Variants in ATP8B1 observed in about 807,000 individuals in gnomAD.
ATP8B1 encodes ATPase phospholipid transporting 8B1.
In ATP8B1, 80 loss-of-function variants were observed where a neutral mutation model predicts 149.9. The observed-to-expected ratio is 0.53, with a 90% CI of 0.45 to 0.64. The LOEUF (loss-of-function observed/expected upper bound fraction) is 0.64, where lower values mean the gene tolerates loss of function less well. Among genes scored for constraint, ATP8B1 ranks in the 30% least tolerant of loss-of-function variants. The pLI is 0.00. For missense variants in ATP8B1, 1,247 were observed against 1,552.6 expected, an observed-to-expected ratio of 0.80 and a Z score of 3.31; for synonymous variants, 536 against 562.8, an observed-to-expected ratio of 0.95 and a Z score of 0.67.
intron 15 of ATP8B1, among the ~76,000 whole-genome samples, chr18:57,683,415 C>G (rs116139762): frequency 0.018 from 2,758 of 152,288 alleles, 80 homozygotes; most frequent in African/African-American, 0.063. Context: ...TTCCTTGATA[C>G]AGGACAAACT....
At chr18:57,676,353 G>T (rs906084936) in intron 15 of ATP8B1, among the ~76,000 whole-genome samples, 3 of 151,190 alleles carry the variant, frequency 2.0e-5, no homozygotes, top group African/African-American at 7.3e-5. Flanking sequence ...GTAGAGACAG[G>T]ATCTCACCAT....
In ATP8B1 at chr18:57,662,530, A is replaced by G; in HGVS notation, c.2371T>C (p.Phe791Leu). 1.2e-6 allele frequency: 2 copies of G among 1,614,206 alleles called. No homozygotes were observed. Among genetic ancestry groups the G allele is most frequent in the Non-Finnish European group, 8.5e-7 (1 of 1,180,032 alleles). ...AAGGCACGGTTTCCACCGGGTGGAA[A>G]AAAAGATTCCTGCACAGGAGGTGCA... The part of the protein sequence containing the change: ...KFAPPVQESF[F>L]PPGGNRALII... Residue 791 changes from phenylalanine to leucine, a missense_variant, in exon 21 of 28, where the codon TTT becomes CTT. Coordinates refer to ENST00000648908, the MANE Select transcript of ATP8B1 (RefSeq NM_001374385.1).
At chr18:57,758,648 C>CAA (rs66725093) in intron 1 of ATP8B1, among the ~76,000 whole-genome samples, 3 of 105,232 alleles carry the variant, frequency 2.9e-5, no homozygotes, top group African/African-American at 7.0e-5. Context: ...AACTCTGTCT[C>CAA]AAAAAAAAAA....
At chr18:57,795,508 TG>T (rs1330198631) in intron 1 of ATP8B1, among the ~76,000 whole-genome samples, 2 of 152,198 alleles carry the variant, frequency 1.3e-5, no homozygotes, top group African/African-American at 4.8e-5. Flanking sequence ...GTGCATACAA[TG>T]GAATATTATT....
At chr18:57,788,149 C>A (rs188626032) in intron 1 of ATP8B1, among the ~76,000 whole-genome samples, 1 of 152,262 alleles carries the variant, frequency 6.6e-6, no homozygotes, top group East Asian at 1.9e-4. Context: ...GATTTACAAC[C>A]TGTACATTTT....
rs5825238 is a variant in ATP8B1, at chr18:57,778,228, CTT to C, written c.-26+24768_-26+24769del. Among the ~76,000 whole-genome samples the C allele has an allele frequency of 7.0e-3, 680 of 97,608 alleles. 6 individuals carry two copies. Among genetic ancestry groups the C allele is most frequent in the Middle Eastern group, 0.026 (6 of 234 alleles). 64.0% of individuals were successfully genotyped at this position (97,608 alleles called of 152,430 possible). ...ATAATCTCAGTTTCTTTTTCTTTTT[CTT>C]TTTTTTTTTTTTTGAGACGGAGTCT... On this transcript the variant is annotated intron_variant, in intron 1 of 27. Coordinates refer to ENST00000648908, the MANE Select transcript of ATP8B1 (RefSeq NM_001374385.1).
intron 1 of ATP8B1, among the ~76,000 whole-genome samples, chr18:57,732,365 G>GTA (rs373040636): frequency 0.03 from 3,917 of 132,644 alleles, 1,069 homozygotes; most frequent in South Asian, 0.12. Flanking sequence ...GTATATATAT[G>GTA]TATATATATA....
rs1418593919 is a variant in ATP8B1 at position 57,713,240 on chromosome 18, C to CTTTCTTCCTTCT, written c.182-6654_182-6653insAGAAGGAAGAAA. On this transcript the variant is annotated intron_variant, in intron 2 of 27. Transcript: ENST00000648908. ...CCTTCCTTCCTTCCTTCCTTCCTTC[C>CTTTCTTCCTTCT]TTCTTTCTTTCTTTCTTTCTTTCTC... Among the ~76,000 whole-genome samples the CTTTCTTCCTTCT allele has an allele frequency of 6.8e-4, 44 of 65,136 alleles. No individual in the cohort carries two copies. The East Asian group carries it at 0.025, about 38-fold the overall frequency. 42.7% of individuals were successfully genotyped at this position (65,136 alleles called of 152,430 possible). A position where few individuals can be genotyped will look rare whatever the true frequency, so the allele number is the denominator to read the frequency against.
intron 13 of ATP8B1, among the ~76,000 whole-genome samples, chr18:57,686,334 A>AT (rs993426036): frequency 2.0e-5 from 3 of 151,592 alleles, no homozygotes; most frequent in Non-Finnish European, 4.4e-5. Context: ...ATATTAACCG[A>AT]TTTTTTGTTT....
Position 57,802,223 on chromosome 18 carries a change from C to T in ATP8B1, c.-26+775G>A, listed in dbSNP as rs1294358976. Among the ~76,000 whole-genome samples, 1 of 152,146 alleles carries T rather than the reference C, an allele frequency of 6.6e-6. No individual in the cohort carries two copies. The highest frequency in any genetic ancestry group is 2.4e-5 in the African/African-American group (1 of 41,426). ...AGCACTGGGCCATTCTCTGCAACATCTCCCCGCGCCCCCCAACAAGTTGCC... is the reference window on the plus strand; with the variant it reads ...AGCACTGGGCCATTCTCTGCAACATTTCCCCGCGCCCCCCAACAAGTTGCC... On this transcript the variant is annotated intron_variant, in intron 1 of 27. Transcript: ENST00000648908. The surrounding 1 kb of genome is among the most constrained non-coding windows in gnomAD (Gnocchi z 4.9).
chr18:57,728,637 T>C (rs1250923930), intron 2 of ATP8B1, among the ~76,000 whole-genome samples: 15 of 151,800 alleles, frequency 9.9e-5, no homozygotes, highest in Admixed American at 7.9e-4. Flanking sequence ...TCATTTGATA[T>C]GGGTTTTGAG....
At chr18:57,747,497 C>T (rs2079975973) in intron 1 of ATP8B1, among the ~76,000 whole-genome samples, 1 of 151,910 alleles carries the variant, frequency 6.6e-6, no homozygotes, top group Non-Finnish European at 1.5e-5. Flanking sequence ...CAGTGGCTCT[C>T]CTTAGTGATC....
In ATP8B1 at chr18:57,674,954, A is replaced by C; in HGVS notation, c.1699T>G (p.Phe567Val). ...ALVNAARNFG[F>V]AFLARTQNTI... ...TTCTGGGTCCTGGCGAGGAAGGCAAAGCCAAAGTTCCTGGCAGCGTTTACC... is the reference window on the plus strand; with the variant it reads ...TTCTGGGTCCTGGCGAGGAAGGCAACGCCAAAGTTCCTGGCAGCGTTTACC... Residue 567 changes from phenylalanine (F) to valine (V), a missense_variant, in exon 16 of 28, where the codon TTT becomes GTT. By Grantham distance (50) the Phe-to-Val change is conservative (BLOSUM62 -1). This residue lies in a region of ATP8B1 where 853 missense variants were observed against 1,035.7 expected (regional missense o/e 0.82). Transcript: ENST00000648908. The C allele has an allele frequency of 6.2e-7, 1 of 1,614,246 alleles. No homozygotes were observed. The highest frequency in any genetic ancestry group is 8.5e-7 in the Non-Finnish European group (1 of 1,180,042).
intron 6 of ATP8B1, among the ~76,000 whole-genome samples, chr18:57,699,708 G>A (rs577915084): frequency 1.4e-5 from 2 of 146,774 alleles, no homozygotes; most frequent in East Asian, 2.0e-4. Context: ...GCGACAGAGC[G>A]AGACTCCGTC....
intron 2 of ATP8B1, among the ~76,000 whole-genome samples, chr18:57,727,791 CAAAA>C (rs1268973322): frequency 4.0e-5 from 6 of 151,780 alleles, no homozygotes; most frequent in African/African-American, 1.5e-4. Context: ...CATCTCAAAA[CAAAA>C]ACAAACAAAC....
Position 57,706,491 on chromosome 18 carries a change from G to T in ATP8B1, c.278C>A (p.Ala93Glu), listed in dbSNP as rs909833944. The T allele has an allele frequency of 6.2e-7, 1 of 1,610,810 alleles. No individual in the cohort carries two copies. The highest frequency in any genetic ancestry group is 1.3e-5 in the African/African-American group (1 of 74,948). ...KFLCIKESKY[A>E]NNAIKTYKYN... ...CAATTCAGAAAGTTAACAACTCACC[G>T]CATATTTACTCTCCTTAATACACAA... Residue 93 changes from alanine (A) to glutamate (E), a missense_variant and splice_region_variant, in exon 3 of 28, where the codon GCG becomes GAG. Physicochemically the swap from Ala to Glu is moderately radical, Grantham distance 107. This residue lies in a region of ATP8B1 where 853 missense variants were observed against 1,035.7 expected (regional missense o/e 0.82). Transcript: ENST00000648908.
intron 1 of ATP8B1, among the ~76,000 whole-genome samples, chr18:57,746,750 G>A (rs994034590): frequency 2.0e-5 from 3 of 152,030 alleles, no homozygotes; most frequent in African/African-American, 7.2e-5. Flanking sequence ...TGCTAGGATT[G>A]TAGGTGTGAG....
chr18:57,753,819 T>G (rs933644579), intron 1 of ATP8B1, among the ~76,000 whole-genome samples: 1 of 151,198 alleles, frequency 6.6e-6, no homozygotes. Context: ...TCCCAGCTAC[T>G]TGGGAGGCTG....
At chr18:57,671,064 CTG>C (rs1484723130) in intron 17 of ATP8B1, among the ~76,000 whole-genome samples, 1 of 152,232 alleles carries the variant, frequency 6.6e-6, no homozygotes, top group Non-Finnish European at 1.5e-5. Context: ...ATAGTCAGCT[CTG>C]TCATCCTGTC....
Sources: gnomAD v4.1 joint callset for allele counts (sites outside exome capture counted in the v4.1 genomes callset) on GRCh38, gnomAD v4.1.1 for gene constraint, gnomAD v4.1.1 regional missense constraint, Gnocchi (gnomAD v3.1) non-coding constraint, MANE v1.5 for transcripts, NCBI Gene and HGNC (gene_info 2026-07-23, HGNC 2026-07-21) for gene names.